The following GPCPD1 variants were observed in gnomAD, a reference collection of about 807,000 sequenced individuals.
The protein encoded by GPCPD1 is glycerophosphocholine phosphodiesterase 1.
A neutral mutation model predicts 89.2 loss-of-function variants in GPCPD1; 29 were observed. The observed-to-expected ratio is 0.33, with a 90% CI of 0.24 to 0.44. The LOEUF is 0.44. Ranked by LOEUF, GPCPD1 falls within the 20% of genes least tolerant of loss-of-function variation. GPCPD1 has a pLI of 1.00. For synonymous variants in GPCPD1, 258 were observed against 266.3 expected, an observed-to-expected ratio of 0.97 and a Z score of 0.30; for missense variants, 594 against 808.9, an observed-to-expected ratio of 0.73 and a Z score of 3.22.
intron 2 of GPCPD1, among the ~76,000 whole-genome samples, chr20:5,602,422 G>A (rs746077037): frequency 2.8e-4 from 43 of 152,174 alleles, no homozygotes; most frequent in Non-Finnish European, 4.7e-4. Flanking sequence ...GTGAGCACTT[G>A]GCTCAAGGGA....
At chr20:5,579,674 C>T (rs939065739) in intron 7 of GPCPD1, among the ~76,000 whole-genome samples, 31 of 152,324 alleles carry the variant, frequency 2.0e-4, no homozygotes, top group African/African-American at 6.7e-4. Context: ...GGATTACAGG[C>T]GTGAGCCAAC....
intron 1 of GPCPD1, among the ~76,000 whole-genome samples, chr20:5,607,363 A>T (rs1315685984): frequency 6.6e-6 from 1 of 151,886 alleles, no homozygotes. Context: ...GAGGCTCAGG[A>T]GGGCAGATCA....
intron 4 of GPCPD1, among the ~76,000 whole-genome samples, chr20:5,591,031 T>G (rs1361063255): frequency 6.6e-6 from 1 of 152,156 alleles, no homozygotes; most frequent in Non-Finnish European, 1.5e-5. Flanking sequence ...AAAAAAAAGT[T>G]GAAATTACAT....
intron 14 of GPCPD1, among the ~76,000 whole-genome samples, chr20:5,565,337 T>C (rs1986338310): frequency 6.6e-6 from 1 of 151,806 alleles, no homozygotes; most frequent in Non-Finnish European, 1.5e-5. Flanking sequence ...CAAGCATTGA[T>C]CCTCCAGCCT....
At chr20:5,608,030 T>C (rs16991128) in intron 1 of GPCPD1, among the ~76,000 whole-genome samples, 3,959 of 152,316 alleles carry the variant, frequency 0.026, 155 homozygotes, top group African/African-American at 0.09. Flanking sequence ...TGCTATTTGT[T>C]GACTAACTTT....
intron 15 of GPCPD1, among the ~76,000 whole-genome samples, chr20:5,564,341 C>G (rs11087685): frequency 6.7e-6 from 1 of 150,280 alleles, no homozygotes; most frequent in East Asian, 1.9e-4. Flanking sequence ...AAAAAAAAAA[C>G]CAAAAACTGC....
intron 2 of GPCPD1, among the ~76,000 whole-genome samples, chr20:5,599,301 G>GC (rs1979960528): frequency 6.6e-6 from 1 of 151,986 alleles, no homozygotes; most frequent in South Asian, 2.1e-4. Flanking sequence ...TGTAATCCCA[G>GC]CACTCTGGGA....
At position 5,547,623 on chromosome 20, in the gene GPCPD1, C is replaced by T. The variant is rs371155477; in HGVS notation, c.*38G>A. 36 of 1,100,544 alleles carry T rather than the reference C, an allele frequency of 3.3e-5. No homozygotes were observed. The highest frequency in any genetic ancestry group is 2.1e-4 in the Middle Eastern group (1 of 4,778). 68.2% of individuals were successfully genotyped at this position (1,100,544 alleles called of 1,614,324 possible). A position where few individuals can be genotyped will look rare whatever the true frequency, so the allele number is the denominator to read the frequency against. On this transcript the variant is annotated 3_prime_UTR_variant, in exon 20 of 20. Coordinates refer to ENST00000379019, the MANE Select transcript of GPCPD1 (RefSeq NM_019593.5). The stretch of plus-strand genomic sequence containing the variant: ...GATGAAAAATGAATACCCAGAACAG[C>T]GGTGCACGCCCCCAAAATGACCTCT...
rs1978284822 is a variant in GPCPD1, at chr20:5,573,953, C to A, written c.1018G>T (p.Glu340Ter). ...TTTCTTAAAGAAGCAATAGTATTTTCTTGAACTTTAGCCAGCCTGAAAAGA... is the reference window on the plus strand; with the variant it reads ...TTTCTTAAAGAAGCAATAGTATTTTATTGAACTTTAGCCAGCCTGAAAAGA... ...TTTAQLAKVQ[E>*]NTIASLRNAA... Residue 340 changes from glutamate (E) to a stop codon, truncating the protein, a stop_gained, in exon 11 of 20, where the codon GAA becomes TAA. Transcript: ENST00000379019. LOFTEE classifies it high-confidence loss of function. 1 of 1,515,892 alleles carries A rather than the reference C, an allele frequency of 6.6e-7. No individual in the cohort carries two copies. The highest frequency in any genetic ancestry group is 1.7e-5 in the Admixed American group (1 of 59,818). 93.9% of individuals were successfully genotyped at this position (1,515,892 alleles called of 1,614,324 possible).
At chr20:5,560,397 AC>A (rs1417612772) in intron 16 of GPCPD1, among the ~76,000 whole-genome samples, 5 of 152,230 alleles carry the variant, frequency 3.3e-5, no homozygotes. Flanking sequence ...GTCTGCTATG[AC>A]TTTATTTCCA....
intron 5 of GPCPD1, chr20:5,585,969 G>A: frequency 2.4e-6 from 1 of 410,360 alleles, no homozygotes; most frequent in Admixed American, 4.1e-5. Flanking sequence ...TCTAACCCAA[G>A]AAAACAAAAA....
intron 4 of GPCPD1, among the ~76,000 whole-genome samples, chr20:5,592,311 T>C (rs3950106): frequency 0.052 from 7,878 of 152,292 alleles, 256 homozygotes; most frequent in East Asian, 0.1. Context: ...ATAAATGAGA[T>C]GCCCTTTTCT....
At position 5,558,606 on chromosome 20, in the gene GPCPD1, A is replaced by G. The variant is rs1029415913; in HGVS notation, c.1668+78T>C. Reference sequence around the variant, plus strand: ...TCAAAACGTTAACATTAGATGGGTAAAGTAATATGAAATCTTTACTACTAC... The same window carrying G: ...TCAAAACGTTAACATTAGATGGGTAGAGTAATATGAAATCTTTACTACTAC... On this transcript the variant is annotated intron_variant, in intron 18 of 19. Transcript: ENST00000379019. 6.0e-6 allele frequency: 5 copies of G among 834,324 alleles called. No individual in the cohort carries two copies. The African/African-American group carries it at 9.0e-5, about 15-fold the overall frequency. 51.7% of individuals were successfully genotyped at this position (834,324 alleles called of 1,614,324 possible).
chr20:5,578,656 G>C lies in GPCPD1; in HGVS notation c.474-45C>G, dbSNP rs767360702. 9.2e-6 allele frequency: 11 copies of C among 1,196,078 alleles called. No individual in the cohort carries two copies. The East Asian group carries it at 2.6e-4, about 28-fold the overall frequency. The allele number at this position is 1,196,078 out of a possible 1,614,324, so 74.1% of individuals were successfully genotyped here. On this transcript the variant is annotated intron_variant, in intron 7 of 19. Transcript: ENST00000379019. Reference sequence around the variant, plus strand: ...ATGAGATGCAAGAAGTGGCAGAAAAGAAAAACTCATACAAATGTTGCCTAA... The same window carrying C: ...ATGAGATGCAAGAAGTGGCAGAAAACAAAAACTCATACAAATGTTGCCTAA...
intron 5 of GPCPD1, chr20:5,585,950 ATAAAC>A (rs1337533831): frequency 2.7e-5 from 10 of 376,022 alleles, no homozygotes; most frequent in Non-Finnish European, 4.8e-5. Context: ...ATATTTCATA[ATAAAC>A]TAATCTAACC....
At chr20:5,577,700 A>T (rs181447511) in intron 8 of GPCPD1, among the ~76,000 whole-genome samples, 1 of 152,148 alleles carries the variant, frequency 6.6e-6, no homozygotes, top group East Asian at 1.9e-4. Context: ...TTTAAACTCT[A>T]ATCTAGTATA....
At chr20:5,576,801 C>G (rs1978290393) in intron 8 of GPCPD1, among the ~76,000 whole-genome samples, 1 of 152,082 alleles carries the variant, frequency 6.6e-6, no homozygotes, top group Non-Finnish European at 1.5e-5. Context: ...TTTTATCAGC[C>G]TAGTCTATGA....
At chr20:5,597,372 C>G (rs1354727244) in intron 3 of GPCPD1, among the ~76,000 whole-genome samples, 2 of 152,182 alleles carry the variant, frequency 1.3e-5, no homozygotes, top group East Asian at 3.8e-4. Flanking sequence ...TTGCTTTACT[C>G]AACCTGTCTG....
At chr20:5,588,921 T>C (rs1448827044) in intron 4 of GPCPD1, among the ~76,000 whole-genome samples, 2 of 152,258 alleles carry the variant, frequency 1.3e-5, no homozygotes, top group South Asian at 2.1e-4. Context: ...CTGTTTGTTT[T>C]GTTTTAATTC....
Sources: allele counts gnomAD v4.1 joint callset (sites outside exome capture counted in the v4.1 genomes callset), GRCh38; gene constraint gnomAD v4.1.1; transcripts MANE v1.5; gene names NCBI Gene and HGNC (gene_info 2026-07-23, HGNC 2026-07-21).